Variants in TDRD5 observed in about 807,000 individuals in gnomAD.
TDRD5 encodes tudor domain-containing protein 5.
Under a neutral mutation model 120.6 loss-of-function variants are expected in TDRD5, and 41 were observed. That is an observed-to-expected ratio of 0.34 (90% CI 0.26 to 0.44). The LOEUF (loss-of-function observed/expected upper bound fraction) is 0.44. Ranked by LOEUF, TDRD5 falls within the 20% of genes least tolerant of loss-of-function variation. The pLI is 1.00. For synonymous variants in TDRD5, 430 were observed against 433.7 expected, an observed-to-expected ratio of 0.99 and a Z score of 0.11; for missense variants, 1,006 against 1,221.2, an observed-to-expected ratio of 0.82 and a Z score of 2.63.
intron 17 of TDRD5, among the ~76,000 whole-genome samples, chr1:179,672,937 T>G (rs901700542): frequency 1.3e-5 from 2 of 152,222 alleles, no homozygotes; most frequent in Non-Finnish European, 2.9e-5. Flanking sequence ...GGTTCCCTAT[T>G]CTGTTCCATT....
intron 5 of TDRD5, among the ~76,000 whole-genome samples, chr1:179,620,236 T>C (rs1471193187): frequency 6.6e-6 from 1 of 152,176 alleles, no homozygotes; most frequent in Non-Finnish European, 1.5e-5. Flanking sequence ...AATTTTTACT[T>C]TAGATTTTTC....
intron 11 of TDRD5, among the ~76,000 whole-genome samples, chr1:179,650,273 C>G (rs1678638319): frequency 6.6e-6 from 1 of 151,864 alleles, no homozygotes; most frequent in Non-Finnish European, 1.5e-5. Context: ...TAGTGGCACG[C>G]ACCTGTAATC....
At chr1:179,665,989 A>G (rs529194380) in intron 16 of TDRD5, among the ~76,000 whole-genome samples, 2 of 152,316 alleles carry the variant, frequency 1.3e-5, no homozygotes, top group South Asian at 4.1e-4. Flanking sequence ...CCTTCCGTCT[A>G]AACAAAATTT....
chr1:179,657,819 A>G (rs569139711), intron 14 of TDRD5, among the ~76,000 whole-genome samples: 125 of 152,306 alleles, frequency 8.2e-4, no homozygotes, highest in African/African-American at 2.9e-3. Flanking sequence ...GCTATTTAGC[A>G]TATGCATTAC....
At chr1:179,623,013 C>T (rs1319948274) in intron 6 of TDRD5, among the ~76,000 whole-genome samples, 1 of 152,136 alleles carries the variant, frequency 6.6e-6, no homozygotes, top group Non-Finnish European at 1.5e-5. Flanking sequence ...AAATAACACA[C>T]TTCATACAGG....
chr1:179,607,729 A>G (rs1676052047), intron 4 of TDRD5, among the ~76,000 whole-genome samples: 1 of 151,924 alleles, frequency 6.6e-6, no homozygotes, highest in Admixed American at 6.6e-5. Context: ...TTTAGTTCTC[A>G]TTTTATATAC....
chr1:179,625,360 C>T (rs1170221719), intron 6 of TDRD5, among the ~76,000 whole-genome samples: 1 of 152,044 alleles, frequency 6.6e-6, no homozygotes, highest in Non-Finnish European at 1.5e-5. Flanking sequence ...TAGGAGACCC[C>T]ATTTAAAATT....
At position 179,666,367 on chromosome 1, in the gene TDRD5, A is replaced by G. The variant is rs549511153; in HGVS notation, c.2650-2827A>G. Among the ~76,000 whole-genome samples the G allele has an allele frequency of 2.8e-4, 43 of 152,214 alleles. 1 individual carries two copies. The highest frequency in any genetic ancestry group is 1.0e-4 in the Non-Finnish European group (7 of 68,026). ...ATAGTTCTGATGAATATCTATTTTT[A>G]AGATTTCATGTGACTTTAAACAATA... On this transcript the variant is annotated intron_variant, in intron 16 of 17. Coordinates refer to ENST00000444136, the MANE Select transcript of TDRD5 (RefSeq NM_001199085.3).
intron 4 of TDRD5, among the ~76,000 whole-genome samples, chr1:179,596,678 C>T (rs1675408387): frequency 6.6e-6 from 1 of 152,120 alleles, no homozygotes; most frequent in Non-Finnish European, 1.5e-5. Context: ...AGTGTTAGTC[C>T]ATTATACAGA....
intron 14 of TDRD5, among the ~76,000 whole-genome samples, chr1:179,655,635 T>C (rs1435454495): frequency 6.6e-6 from 1 of 152,162 alleles, no homozygotes; most frequent in Non-Finnish European, 1.5e-5. Context: ...CCCTAGCAAC[T>C]GGTCTGGGGT....
At chr1:179,644,974 AGTT>A (rs1184987806) in intron 11 of TDRD5, among the ~76,000 whole-genome samples, 2 of 144,542 alleles carry the variant, frequency 1.4e-5, no homozygotes, top group African/African-American at 5.1e-5. Context: ...ACTGTGTAGT[AGTT>A]TTATTATTGT....
At position 179,592,701 on chromosome 1, in the gene TDRD5, A is replaced by G. The variant is rs747921812; in HGVS notation, c.86A>G (p.Gln29Arg). ...LISTKDGLSP[Q>R]ELEKEYLLMV... ...TCCACCAAAGATGGTTTGAGCCCAC[A>G]GGAGTTGGAGAAGGAGTACCTTTTG... Residue 29 changes from glutamine (Q) to arginine (R), a missense_variant, in exon 2 of 18, where the codon CAG becomes CGG. By Grantham distance (43) the Gln-to-Arg change is conservative (BLOSUM62 1). Transcript: ENST00000444136. 3.1e-6 allele frequency: 5 copies of G among 1,614,190 alleles called. No individual in the cohort carries two copies. In the South Asian group the frequency reaches 5.5e-5, roughly 18 times the overall value.
rs16854429 is a variant in TDRD5, at chr1:179,640,454, G to C, written c.1800+9G>C. On this transcript the variant is annotated intron_variant, in intron 11 of 17. Transcript: ENST00000444136. Reference sequence around the variant, plus strand: ...GGGTGAGACCAGTAGAGGTATGTTTGCTTGTCTCCCATTTAATCAGCAAAC... The same window carrying C: ...GGGTGAGACCAGTAGAGGTATGTTTCCTTGTCTCCCATTTAATCAGCAAAC... 1.2e-5 allele frequency: 19 copies of C among 1,613,736 alleles called. No individual in the cohort carries two copies. The highest frequency in any genetic ancestry group is 1.4e-5 in the Non-Finnish European group (16 of 1,179,770).
At chr1:179,628,677 A>G (rs1206048840) in intron 6 of TDRD5, among the ~76,000 whole-genome samples, 1 of 152,152 alleles carries the variant, frequency 6.6e-6, no homozygotes, top group East Asian at 1.9e-4. Flanking sequence ...TTAGGATAAA[A>G]TATATCTGAC....
intron 5 of TDRD5, 48 bp from the exon 6 acceptor site, chr1:179,620,987 C>T (rs1284471591): frequency 1.5e-6 from 2 of 1,378,080 alleles, no homozygotes; most frequent in East Asian, 2.5e-5. Flanking sequence ...TATTGTGTCA[C>T]TCAGCATTTC....
rs1490762320 is a variant in TDRD5 at position 179,620,928 on chromosome 1, TTAA to T, written c.916-102_916-100del. Reference sequence around the variant, plus strand: ...ACAATTTAATATGACTAAAATTCATTTAATAATGTTACTTTTGCCTTTGTTGTT... The same window carrying T: ...ACAATTTAATATGACTAAAATTCATTTAATGTTACTTTTGCCTTTGTTGTT... On this transcript the variant is annotated intron_variant, in intron 5 of 17. Transcript: ENST00000444136. 10 of 880,702 alleles carry T rather than the reference TTAA, an allele frequency of 1.1e-5. No homozygotes were observed. In the Admixed American group the frequency reaches 1.6e-4, roughly 14 times the overall value. 54.6% of individuals were successfully genotyped at this position (880,702 alleles called of 1,614,324 possible). A position where few individuals can be genotyped will look rare whatever the true frequency, so the allele number is the denominator to read the frequency against.
intron 17 of TDRD5, among the ~76,000 whole-genome samples, chr1:179,670,298 A>G (rs1405602564): frequency 2.0e-5 from 3 of 152,018 alleles, no homozygotes; most frequent in African/African-American, 4.8e-5. Flanking sequence ...AGGCTGAGGC[A>G]GGAGAATTGC....
chr1:179,671,872 A>G (rs1679870696), intron 17 of TDRD5, among the ~76,000 whole-genome samples: 1 of 152,060 alleles, frequency 6.6e-6, no homozygotes, highest in Non-Finnish European at 1.5e-5. Flanking sequence ...TTCACTTAGA[A>G]TAATAGTCTC....
intron 6 of TDRD5, among the ~76,000 whole-genome samples, chr1:179,624,325 A>T (rs1217556872): frequency 6.6e-6 from 1 of 152,218 alleles, no homozygotes; most frequent in Non-Finnish European, 1.5e-5. Flanking sequence ...TATACTTGTC[A>T]TACTCAATGG....
Sources: allele counts gnomAD v4.1 joint callset (sites outside exome capture counted in the v4.1 genomes callset), GRCh38; gene constraint gnomAD v4.1.1; transcripts MANE v1.5; gene names NCBI Gene and HGNC (gene_info 2026-07-23, HGNC 2026-07-21).